The following ZBTB2 variants were observed in gnomAD, a reference collection of about 807,000 sequenced individuals.
The protein encoded by ZBTB2 is zinc finger and BTB domain containing 2, also known as zinc finger and BTB domain-containing protein 2.
A neutral mutation model predicts 39.5 loss-of-function variants in ZBTB2; 2 were observed. The ratio of observed to expected loss-of-function variants is 0.05; its 90% CI spans 0.02 to 0.16. The LOEUF is 0.16. ZBTB2 is among the 10% of genes least tolerant of loss of function. The probability of loss-of-function intolerance (pLI) is 1.00; values close to 1 mark genes in which losing one functional copy is unlikely to be tolerated. For synonymous variants in ZBTB2, 251 were observed against 256.6 expected, an observed-to-expected ratio of 0.98 and a Z score of 0.21; for missense variants, 391 against 653.0, an observed-to-expected ratio of 0.60 and a Z score of 4.37.
At chr6:151,367,025 G>T in intron 2 of ZBTB2, 133 bp from the exon 3 acceptor site, 1 of 945,020 alleles carries the variant, frequency 1.1e-6, no homozygotes, top group Non-Finnish European at 1.5e-6. Flanking sequence ...TAAGTTTCAT[G>T]AAAATGGGAT....
intron 2 of ZBTB2, among the ~76,000 whole-genome samples, chr6:151,369,057 C>T (rs988867659): frequency 3.3e-5 from 5 of 152,224 alleles, no homozygotes; most frequent in Admixed American, 1.3e-4. Flanking sequence ...ACCACCGCGC[C>T]TGGCTGACTT....
intron 1 of ZBTB2, among the ~76,000 whole-genome samples, chr6:151,390,061 G>C (rs908694317): frequency 6.6e-6 from 1 of 152,046 alleles, no homozygotes; most frequent in Admixed American, 6.5e-5. Context: ...CCAAGGCTAA[G>C]CAGCCGAAAG....
Position 151,366,930 on chromosome 6 carries a change from C to T in ZBTB2, c.174-38G>A. The stretch of plus-strand genomic sequence containing the variant: ...AGTAAAAAAATACGTGAGTAAATGC[C>T]AGTCTAGGTGTTAACATAAAGCCTG... On this transcript the variant is annotated intron_variant, in intron 2 of 2. Transcript: ENST00000325144. This position sits in a 1 kb window ranked among gnomAD's most constrained non-coding sequence, Gnocchi z 7.1. The T allele has an allele frequency of 6.4e-7, 1 of 1,561,792 alleles. No individual in the cohort carries two copies.
chr6:151,373,581 C>T lies in ZBTB2; in HGVS notation c.57G>A (p.Glu19=). Residue 19 remains glutamate (E), a synonymous_variant, in exon 2 of 3, where the codon GAG becomes GAA. Transcript: ENST00000325144. ...CCGTGCAGTCACACAGGAAACCAAA[C>T]TCTCGCTGAGCGTTTAACTGTTGCA... ...ILLQQLNAQR[E]FGFLCDCTVA... is the part of the protein sequence containing the mutation. 6.2e-7 allele frequency: 1 copy of T among 1,614,134 alleles called. No homozygotes were observed. Among genetic ancestry groups the T allele is most frequent in the Non-Finnish European group, 8.5e-7 (1 of 1,180,026 alleles).
At chr6:151,387,232 A>G (rs1441341252) in intron 1 of ZBTB2, among the ~76,000 whole-genome samples, 1 of 152,210 alleles carries the variant, frequency 6.6e-6, no homozygotes, top group Non-Finnish European at 1.5e-5. Context: ...ACTCTATTAT[A>G]GTAATATTCA....
At chr6:151,378,717 A>G (rs1402635990) in intron 1 of ZBTB2, among the ~76,000 whole-genome samples, 1 of 152,252 alleles carries the variant, frequency 6.6e-6, no homozygotes, top group Non-Finnish European at 1.5e-5. Context: ...CATGCTGATC[A>G]TATTTAGGCA....
chr6:151,369,759 G>A (rs1394537046), intron 2 of ZBTB2, among the ~76,000 whole-genome samples: 2 of 152,098 alleles, frequency 1.3e-5, no homozygotes, highest in African/African-American at 4.8e-5. Context: ...GATCACCTGG[G>A]GTCAGGTGTT....
At chr6:151,367,796 C>T (rs997070699) in intron 2 of ZBTB2, among the ~76,000 whole-genome samples, 1 of 152,168 alleles carries the variant, frequency 6.6e-6, no homozygotes, top group Non-Finnish European at 1.5e-5. Context: ...CACCTAAAGC[C>T]GTTGAAGATG....
intron 1 of ZBTB2, among the ~76,000 whole-genome samples, chr6:151,379,612 T>C (rs1031572603): frequency 8.3e-6 from 1 of 120,998 alleles, no homozygotes; most frequent in East Asian, 2.6e-4. Flanking sequence ...CACTCTAGCC[T>C]GGGAAACAGA....
intron 1 of ZBTB2, among the ~76,000 whole-genome samples, chr6:151,382,045 T>C (rs114540581): frequency 0.012 from 1,853 of 152,314 alleles, 35 homozygotes; most frequent in African/African-American, 0.043. Context: ...TATGGTAATC[T>C]ACTGCTCCTA....
At position 151,366,198 on chromosome 6, in the gene ZBTB2, G is replaced by A. The variant is rs867911053; in HGVS notation, c.868C>T (p.Arg290Cys). The part of the protein sequence containing the change: ...PFTSSQQGES[R>C]VPLTLCSNAA... Reference sequence around the variant, plus strand: ...TTGCTACAGAGAGTCAGGGGGACGCGACTTTCTCCCTGTTGGCTAGATGTG... The same window carrying A: ...TTGCTACAGAGAGTCAGGGGGACGCAACTTTCTCCCTGTTGGCTAGATGTG... Residue 290 changes from arginine to cysteine, a missense_variant, in exon 3 of 3, where the codon CGC becomes TGC. By Grantham distance (180) the Arg-to-Cys change is radical (BLOSUM62 -3). Transcript: ENST00000325144. The surrounding 1 kb of genome is among the most constrained non-coding windows in gnomAD (Gnocchi z 7.1). 3.1e-6 allele frequency: 5 copies of A among 1,613,994 alleles called. No individual in the cohort carries two copies. Among genetic ancestry groups the A allele is most frequent in the African/African-American group, 2.7e-5 (2 of 74,888 alleles).
chr6:151,388,655 C>A (rs1187748180), intron 1 of ZBTB2, among the ~76,000 whole-genome samples: 1 of 152,202 alleles, frequency 6.6e-6, no homozygotes, highest in Non-Finnish European at 1.5e-5. Context: ...GCGTGAGCCA[C>A]TTTCCCTGGC....
intron 1 of ZBTB2, among the ~76,000 whole-genome samples, chr6:151,378,316 G>A (rs1778960632): frequency 6.6e-6 from 1 of 151,670 alleles, no homozygotes; most frequent in African/African-American, 2.4e-5. Context: ...CGAGATAGGA[G>A]AGTCATCCAA....
At chr6:151,388,400 G>A (rs1022877034) in intron 1 of ZBTB2, among the ~76,000 whole-genome samples, 5 of 152,204 alleles carry the variant, frequency 3.3e-5, no homozygotes, top group African/African-American at 1.2e-4. Context: ...TGCTACAGAT[G>A]AGCTTTAGAT....
chr6:151,382,194 A>G (rs1779048116), intron 1 of ZBTB2, among the ~76,000 whole-genome samples: 1 of 152,252 alleles, frequency 6.6e-6, no homozygotes, highest in Admixed American at 6.5e-5. Flanking sequence ...ATTGTTGTAC[A>G]TGTGGTCTTT....
chr6:151,386,390 C>T lies in ZBTB2; in HGVS notation c.-13+5030G>A, dbSNP rs150538036. ...CCTGTCTCTATAAAAAGAAAATTAG[C>T]TGAATGTGGTGGCATGTGCCCATGG... On this transcript the variant is annotated intron_variant, in intron 1 of 2. Transcript: ENST00000325144. Among the ~76,000 whole-genome samples, 1,135 of 152,246 alleles carry T rather than the reference C, an allele frequency of 7.5e-3. 13 individuals carry two copies. The highest frequency in any genetic ancestry group is 0.048 in the Middle Eastern group (14 of 294).
chr6:151,385,402 G>A (rs1779129247), intron 1 of ZBTB2, among the ~76,000 whole-genome samples: 1 of 152,172 alleles, frequency 6.6e-6, no homozygotes, highest in Non-Finnish European at 1.5e-5. Context: ...GAGCACATGT[G>A]GGCTGATCCG....
chr6:151,369,617 C>T (rs545787155), intron 2 of ZBTB2, among the ~76,000 whole-genome samples: 2 of 152,100 alleles, frequency 1.3e-5, no homozygotes, highest in African/African-American at 4.8e-5. Context: ...AACCACTGCA[C>T]GCAGCCTTAA....
chr6:151,367,130 T>C (rs1778668344), intron 2 of ZBTB2, among the ~76,000 whole-genome samples: 1 of 152,032 alleles, frequency 6.6e-6, no homozygotes, highest in Non-Finnish European at 1.5e-5. Flanking sequence ...TTAATTTTTT[T>C]TTTTTTTTGA....
Sources: allele counts gnomAD v4.1 joint callset (sites outside exome capture counted in the v4.1 genomes callset), GRCh38; gene constraint gnomAD v4.1.1; non-coding constraint Gnocchi (gnomAD v3.1); transcripts MANE v1.5; gene names NCBI Gene and HGNC (gene_info 2026-07-23, HGNC 2026-07-21).